The following IMMP1L variants were observed in gnomAD, a reference collection of about 807,000 sequenced individuals.
IMMP1L encodes the protein inner mitochondrial membrane peptidase subunit 1, also known as mitochondrial inner membrane protease subunit 1.
IMMP1L carries 24 observed loss-of-function variants against 21.8 expected under a neutral mutation model. That is an observed-to-expected ratio of 1.10 (90% CI 0.80 to 1.55). IMMP1L has a LOEUF of 1.55. IMMP1L is among the 40% of genes most tolerant of loss of function. IMMP1L has a pLI of 0.00. For missense variants in IMMP1L, 195 were observed against 200.7 expected, an observed-to-expected ratio of 0.97 and a Z score of 0.17; for synonymous variants, 46 against 62.8, an observed-to-expected ratio of 0.73 and a Z score of 1.26.
At chr11:31,455,150 T>C (rs1176795237) in intron 4 of IMMP1L, among the ~76,000 whole-genome samples, 1 of 152,180 alleles carries the variant, frequency 6.6e-6, no homozygotes, top group Admixed American at 6.5e-5. Flanking sequence ...TAAATAAGAT[T>C]GATTATTTAA....
At position 31,463,016 on chromosome 11, in the gene IMMP1L, T is replaced by C. The variant is rs966259923; in HGVS notation, c.105+156A>G. On this transcript the variant is annotated intron_variant, in intron 2 of 5. Coordinates refer to ENST00000532287, the MANE Select transcript of IMMP1L (RefSeq NM_001304274.2). ...TCAGTGCCAATTCAAACACACTCTC[T>C]TATTATTCCAATATTTAGAAAGATT... is the stretch of plus-strand genomic sequence containing the variant. Among the ~76,000 whole-genome samples, 3 of 152,196 alleles carry C rather than the reference T, an allele frequency of 2.0e-5. No homozygotes were observed. In the East Asian group the frequency reaches 5.8e-4, roughly 29 times the overall value.
chr11:31,478,227 G>A (rs1376500635), intron 1 of IMMP1L, among the ~76,000 whole-genome samples: 1 of 152,116 alleles, frequency 6.6e-6, no homozygotes, highest in African/African-American at 2.4e-5. Flanking sequence ...CAGTGCAGAC[G>A]AAAAAGAGCT....
chr11:31,447,797 G>A (rs1472277096), intron 4 of IMMP1L, among the ~76,000 whole-genome samples: 1 of 152,076 alleles, frequency 6.6e-6, no homozygotes. Flanking sequence ...ACCTGCTTTT[G>A]TATCTATTTT....
At chr11:31,480,617 G>C (rs1954863153) in intron 1 of IMMP1L, among the ~76,000 whole-genome samples, 1 of 151,934 alleles carries the variant, frequency 6.6e-6, no homozygotes, top group African/African-American at 2.4e-5. Context: ...AGATGAAATT[G>C]AGATATGAGT....
intron 1 of IMMP1L, among the ~76,000 whole-genome samples, chr11:31,485,696 T>G (rs1259685915): frequency 1.3e-5 from 2 of 151,778 alleles, no homozygotes; most frequent in South Asian, 2.1e-4. Flanking sequence ...AAGCAAGAAT[T>G]ACCTAACAAA....
intron 5 of IMMP1L, 113 bp from the exon 6 acceptor site, chr11:31,432,681 T>C: frequency 1.4e-6 from 1 of 691,574 alleles, no homozygotes; most frequent in Non-Finnish European, 2.6e-6. Context: ...ACTTTCTCCT[T>C]ACTCATCAAT....
intron 4 of IMMP1L, among the ~76,000 whole-genome samples, chr11:31,439,223 GCATCCA>G (rs1953232932): frequency 6.6e-6 from 1 of 151,946 alleles, no homozygotes; most frequent in African/African-American, 2.4e-5. Flanking sequence ...CTATCCTGGG[GCATCCA>G]TAGCCTTCAT....
At chr11:31,483,789 A>AT (rs980936917) in intron 1 of IMMP1L, among the ~76,000 whole-genome samples, 1 of 151,930 alleles carries the variant, frequency 6.6e-6, no homozygotes, top group Non-Finnish European at 1.5e-5. Flanking sequence ...GAAAACTATC[A>AT]TTTTTTCAAT....
intron 1 of IMMP1L, among the ~76,000 whole-genome samples, chr11:31,491,422 A>C (rs1272741483): frequency 1.3e-5 from 2 of 152,196 alleles, no homozygotes; most frequent in Non-Finnish European, 2.9e-5. Context: ...AAAGTAAAGA[A>C]ATAGCAGTCC....
chr11:31,445,604 TCTC>T (rs1418951667), intron 4 of IMMP1L, among the ~76,000 whole-genome samples: 1 of 152,190 alleles, frequency 6.6e-6, no homozygotes, highest in Non-Finnish European at 1.5e-5. Flanking sequence ...TTGACAGACT[TCTC>T]CTGCTTGTGT....
intron 4 of IMMP1L, among the ~76,000 whole-genome samples, chr11:31,440,315 T>A (rs1468977958): frequency 6.6e-6 from 1 of 152,202 alleles, no homozygotes; most frequent in Non-Finnish European, 1.5e-5. Flanking sequence ...TTCTAGTTGT[T>A]TATGGCAGGA....
intron 4 of IMMP1L, chr11:31,437,026 T>C: frequency 3.4e-6 from 1 of 297,008 alleles, no homozygotes; most frequent in South Asian, 3.2e-5. Flanking sequence ...ATCACTGATG[T>C]TACCTTTAAT....
chr11:31,494,309 G>C (rs1409614397), intron 1 of IMMP1L, among the ~76,000 whole-genome samples: 2 of 152,228 alleles, frequency 1.3e-5, no homozygotes, highest in East Asian at 3.9e-4. Context: ...AAGTCACCAA[G>C]GCTTGGGGCT....
chr11:31,440,430 G>A (rs1003667521), intron 4 of IMMP1L, among the ~76,000 whole-genome samples: 2 of 151,962 alleles, frequency 1.3e-5, no homozygotes, highest in East Asian at 1.9e-4. Flanking sequence ...TCGCTCTCTC[G>A]CCCAAGCTGG....
chr11:31,445,175 T>C (rs1953472186), intron 4 of IMMP1L, among the ~76,000 whole-genome samples: 1 of 152,236 alleles, frequency 6.6e-6, no homozygotes, highest in African/African-American at 2.4e-5. Context: ...TTTCAGACTG[T>C]AGTAGAAAAT....
chr11:31,478,943 C>A (rs189069197), intron 1 of IMMP1L, among the ~76,000 whole-genome samples: 2 of 151,954 alleles, frequency 1.3e-5, no homozygotes, highest in Admixed American at 6.6e-5. Context: ...TAAATATGTA[C>A]AGAACATTTT....
At chr11:31,435,931 C>T (rs915470170) in intron 4 of IMMP1L, among the ~76,000 whole-genome samples, 2 of 152,000 alleles carry the variant, frequency 1.3e-5, no homozygotes, top group African/African-American at 2.4e-5. Flanking sequence ...CTTGGATGAA[C>T]GTTTTTAATT....
chr11:31,491,375 T>C (rs1299825885), intron 1 of IMMP1L, among the ~76,000 whole-genome samples: 1 of 152,196 alleles, frequency 6.6e-6, no homozygotes, highest in Non-Finnish European at 1.5e-5. Context: ...AGGTTTCTGA[T>C]GAACTCTCAA....
At chr11:31,503,285 T>C (rs1955680109) in intron 1 of IMMP1L, among the ~76,000 whole-genome samples, 1 of 152,180 alleles carries the variant, frequency 6.6e-6, no homozygotes, top group African/African-American at 2.4e-5. Context: ...CTTAACTACA[T>C]ACGGTATATT....
Sources: allele counts gnomAD v4.1 joint callset (sites outside exome capture counted in the v4.1 genomes callset), GRCh38; gene constraint gnomAD v4.1.1; transcripts MANE v1.5; gene names NCBI Gene and HGNC (gene_info 2026-07-23, HGNC 2026-07-21).